The following TASP1 variants were observed in gnomAD, a reference collection of about 807,000 sequenced individuals.
TASP1 encodes taspase 1.
In TASP1, 16 loss-of-function variants were observed where a neutral mutation model predicts 56.6. That is an observed-to-expected ratio of 0.28 (90% confidence interval 0.19 to 0.43). The LOEUF is 0.43. TASP1 is among the 20% of genes least tolerant of loss of function. The probability of loss-of-function intolerance (pLI) is 1.00; values close to 1 mark genes in which losing one functional copy is unlikely to be tolerated. For synonymous variants in TASP1, 179 were observed against 184.2 expected, an observed-to-expected ratio of 0.97 and a Z score of 0.23; for missense variants, 393 against 511.6, an observed-to-expected ratio of 0.77 and a Z score of 2.24.
intron 11 of TASP1, among the ~76,000 whole-genome samples, chr20:13,460,841 C>A (rs116778312): frequency 0.01 from 1,597 of 152,256 alleles, 28 homozygotes; most frequent in African/African-American, 0.037. Context: ...AGCCTAATAG[C>A]CTCCTATCTA....
the TASP1 span, among the ~76,000 whole-genome samples, chr20:13,276,243 A>T: frequency 3.9e-5 from 6 of 152,180 alleles, no homozygotes; most frequent in East Asian, 9.6e-4. Context: ...AGGACCAACA[A>T]GCAAGAAGGC....
the TASP1 span, among the ~76,000 whole-genome samples, chr20:13,289,467 T>C: frequency 6.6e-6 from 1 of 152,198 alleles, no homozygotes; most frequent in Non-Finnish European, 1.5e-5. Flanking sequence ...ACTAAACTAA[T>C]TGCACACTTG....
At chr20:13,233,732 T>C in the TASP1 span, among the ~76,000 whole-genome samples, 1 of 152,152 alleles carries the variant, frequency 6.6e-6, no homozygotes, top group Non-Finnish European at 1.5e-5. Flanking sequence ...CATAGGATTC[T>C]CATTATGAGG....
chr20:13,134,506 AG>A, the TASP1 span, among the ~76,000 whole-genome samples: 1 of 152,282 alleles, frequency 6.6e-6, no homozygotes, highest in East Asian at 1.9e-4. Flanking sequence ...AGTGATTACA[AG>A]GTCATCATAC....
chr20:13,572,384 G>A (rs573391759), intron 6 of TASP1, among the ~76,000 whole-genome samples: 3 of 152,258 alleles, frequency 2.0e-5, no homozygotes, highest in East Asian at 3.9e-4. Context: ...CCACGGAGGT[G>A]AGGTAATTAA....
At chr20:13,473,325 C>T (rs8123748) in intron 11 of TASP1, among the ~76,000 whole-genome samples, 15,286 of 135,242 alleles carry the variant, frequency 0.11, 1,029 homozygotes, top group East Asian at 0.18. Context: ...CATCACACAC[C>T]GGGGCCTGTT....
intron 11 of TASP1, among the ~76,000 whole-genome samples, chr20:13,473,315 C>T (rs1441845197): frequency 1.4e-5 from 2 of 147,424 alleles, no homozygotes; most frequent in Admixed American, 1.4e-4. Context: ...GGAAGTGGAA[C>T]ATCACACACC....
the TASP1 span, among the ~76,000 whole-genome samples, chr20:13,170,382 A>T: frequency 2.0e-5 from 3 of 152,220 alleles, no homozygotes; most frequent in African/African-American, 7.2e-5. Context: ...GGAACAAGTG[A>T]AACCAGTTTC....
chr20:13,349,239 C>T, the TASP1 span, among the ~76,000 whole-genome samples: 1 of 152,104 alleles, frequency 6.6e-6, no homozygotes, highest in Non-Finnish European at 1.5e-5. Context: ...CCTCAGGAGG[C>T]CTCCGGACCA....
chr20:13,117,508 T>C, the TASP1 span: 5 of 1,585,808 alleles, frequency 3.2e-6, no homozygotes, highest in South Asian at 4.6e-5. Context: ...TGCCCTAGCA[T>C]GGAAGGTTCC....
At chr20:13,492,904 ATAT>A (rs1192432906) in intron 10 of TASP1, among the ~76,000 whole-genome samples, 2 of 152,204 alleles carry the variant, frequency 1.3e-5, no homozygotes, top group African/African-American at 2.4e-5. Flanking sequence ...ATATAGAGAA[ATAT>A]TATCACAGTT....
At position 13,580,937 on chromosome 20, in the gene TASP1, CT is replaced by C; in HGVS notation, c.447del (p.Gln151ArgfsTer15). 1 of 1,612,490 alleles carries C rather than the reference CT, an allele frequency of 6.2e-7. No individual in the cohort carries two copies. The highest frequency in any genetic ancestry group is 8.5e-7 in the Non-Finnish European group (1 of 1,179,562). On this transcript the variant is annotated frameshift_variant, in exon 6 of 14. Transcript: ENST00000337743. LOFTEE classifies it high-confidence loss of function. The stretch of plus-strand genomic sequence containing the variant: ...CCAGCCGAGAGCTTGCCCTTCTGCC[CT>C]TCACATAAGAGTCTGTTGGCAACCG... ...PVSVANRLLC[E>X]GQKGKLSAGR...
the TASP1 span, among the ~76,000 whole-genome samples, chr20:13,265,051 G>A: frequency 6.6e-6 from 1 of 152,134 alleles, no homozygotes; most frequent in Non-Finnish European, 1.5e-5. Context: ...CGTTGGGCCC[G>A]ATGTGTATAA....
chr20:13,575,303 G>A (rs2046861464), intron 6 of TASP1, among the ~76,000 whole-genome samples: 1 of 152,144 alleles, frequency 6.6e-6, no homozygotes, highest in South Asian at 2.1e-4. Context: ...GATATGGTTT[G>A]GCTGTGTCCC....
the TASP1 span, among the ~76,000 whole-genome samples, chr20:13,223,957 AC>A: frequency 5.9e-5 from 9 of 152,076 alleles, 1 homozygote. Context: ...TTCCGCTTGA[AC>A]AGTAAGGTAA....
chr20:13,515,821 T>C (rs1461422679), intron 10 of TASP1, among the ~76,000 whole-genome samples: 1 of 152,096 alleles, frequency 6.6e-6, no homozygotes, highest in African/African-American at 2.4e-5. Flanking sequence ...AGTTATACCA[T>C]GGACAACTTT....
the TASP1 span, among the ~76,000 whole-genome samples, chr20:13,148,209 G>A: frequency 6.6e-6 from 1 of 152,190 alleles, no homozygotes; most frequent in Non-Finnish European, 1.5e-5. Flanking sequence ...GCAAAGCTTT[G>A]TAGTAAGAGG....
In TASP1 at chr20:13,411,853, T is replaced by C. The variant is rs148039797; in HGVS notation, c.1170+5595A>G. ...GTCATGGAATATTTCTTCACTCTCT[T>C]ACCCTGGCACTAGGCTTCTGTACAA... On this transcript the variant is annotated intron_variant, in intron 13 of 13. Transcript: ENST00000337743. Among the ~76,000 whole-genome samples the C allele has an allele frequency of 4.5e-3, 690 of 152,318 alleles. 4 individuals carry two copies. Among genetic ancestry groups the C allele is most frequent in the African/African-American group, 0.015 (615 of 41,574 alleles).
the TASP1 span, among the ~76,000 whole-genome samples, chr20:13,285,808 T>C: frequency 6.6e-6 from 1 of 152,316 alleles, no homozygotes; most frequent in African/African-American, 2.4e-5. Context: ...CATGCAGGGA[T>C]TCCAACACAA....
Sources: gnomAD v4.1 joint callset for allele counts (sites outside exome capture counted in the v4.1 genomes callset) on GRCh38, gnomAD v4.1.1 for gene constraint, MANE v1.5 for transcripts, NCBI Gene and HGNC (gene_info 2026-07-23, HGNC 2026-07-21) for gene names.